The following KALRN variants were observed in gnomAD, a reference collection of about 807,000 sequenced individuals.
KALRN encodes the protein kalirin.
KALRN carries 70 observed loss-of-function variants against 353.7 expected under a neutral mutation model. The ratio of observed to expected loss-of-function variants is 0.20; its 90% CI spans 0.16 to 0.24. The LOEUF is 0.24. Among genes scored for constraint, KALRN ranks in the 10% least tolerant of loss-of-function variants. KALRN has a pLI of 1.00. For missense variants in KALRN, 2,791 were observed against 3,756.7 expected (o/e 0.74, Z 6.72); for synonymous variants, 1,391 against 1,434.8 (o/e 0.97, Z 0.69).
chr3:124,527,717 C>T (rs1168033980), intron 33 of KALRN, among the ~76,000 whole-genome samples: 4 of 152,056 alleles, frequency 2.6e-5, no homozygotes, highest in South Asian at 2.1e-4. Flanking sequence ...TCCACTGAAG[C>T]GAAGAGGGTG....
At chr3:124,143,985 A>G (rs1231627871) in intron 1 of KALRN, among the ~76,000 whole-genome samples, 1 of 152,112 alleles carries the variant, frequency 6.6e-6, no homozygotes, top group Non-Finnish European at 1.5e-5. Context: ...GGCCAGAGGG[A>G]GTGTTCTCCT....
chr3:124,233,805 G>T (rs973046327), intron 2 of KALRN, among the ~76,000 whole-genome samples: 1 of 152,062 alleles, frequency 6.6e-6, no homozygotes, highest in Non-Finnish European at 1.5e-5. Context: ...CCTACTCTGG[G>T]GTATATCCAG....
intron 5 of KALRN, among the ~76,000 whole-genome samples, chr3:124,288,814 G>C (rs1382126308): frequency 6.6e-6 from 1 of 152,180 alleles, no homozygotes; most frequent in Non-Finnish European, 1.5e-5. Context: ...GCATATTCCA[G>C]AGTTATTTGA....
chr3:124,496,232 A>G (rs1410335631), intron 32 of KALRN, 79 bp from the exon 33 acceptor site: 2 of 1,061,798 alleles, frequency 1.9e-6, no homozygotes, highest in Non-Finnish European at 2.9e-6. Context: ...TGCCCACCCA[A>G]CCGGAAATCC....
At chr3:124,418,979 G>T in intron 14 of KALRN, among the ~76,000 whole-genome samples, 1 of 151,810 alleles carries the variant, frequency 6.6e-6, no homozygotes, top group Admixed American at 6.6e-5. Context: ...AGTTGAGGCA[G>T]GAGAATCGCT....
chr3:124,039,125 CA>C (rs2039703390), intron 1 of KALRN, among the ~76,000 whole-genome samples: 1 of 152,242 alleles, frequency 6.6e-6, no homozygotes, highest in Non-Finnish European at 1.5e-5. Context: ...CTAGTGCCTT[CA>C]GGGTCAAGTG....
intron 33 of KALRN, among the ~76,000 whole-genome samples, chr3:124,522,278 T>C (rs1301482705): frequency 6.6e-6 from 1 of 151,882 alleles, no homozygotes; most frequent in South Asian, 2.1e-4. Flanking sequence ...GAGTCATCAT[T>C]ATATATATAC....
At chr3:124,656,134 G>GCC (rs1469110110) in intron 39 of KALRN, among the ~76,000 whole-genome samples, 1 of 152,048 alleles carries the variant, frequency 6.6e-6, no homozygotes, top group African/African-American at 2.4e-5. Context: ...CCACCAATGA[G>GCC]CAAGGTTGAC....
At chr3:124,604,728 C>T (rs1042948095) in intron 34 of KALRN, among the ~76,000 whole-genome samples, 12 of 151,836 alleles carry the variant, frequency 7.9e-5, no homozygotes, top group African/African-American at 2.9e-4. Context: ...ACTCTGTCAC[C>T]CAGACTGGAA....
intron 1 of KALRN, among the ~76,000 whole-genome samples, chr3:124,170,607 C>G (rs2071614626): frequency 6.6e-6 from 1 of 152,036 alleles, no homozygotes; most frequent in African/African-American, 2.4e-5. Context: ...AAGACGTTTT[C>G]CTCTTGAGTA....
chr3:124,177,641 G>A (rs567025543), intron 1 of KALRN, among the ~76,000 whole-genome samples: 1 of 152,192 alleles, frequency 6.6e-6, no homozygotes, highest in Non-Finnish European at 1.5e-5. Flanking sequence ...TCTAGTAAAA[G>A]CATCAAGAAT....
chr3:124,592,133 C>T (rs1481664633), intron 34 of KALRN, among the ~76,000 whole-genome samples: 2 of 151,880 alleles, frequency 1.3e-5, no homozygotes, highest in Non-Finnish European at 2.9e-5. Context: ...AAACCCCCGT[C>T]TCTACTAAAA....
chr3:124,231,078 G>A (rs1046873572), intron 2 of KALRN, among the ~76,000 whole-genome samples: 2 of 152,182 alleles, frequency 1.3e-5, no homozygotes, highest in African/African-American at 4.8e-5. Flanking sequence ...CTCTGCTAGC[G>A]CCCAGCCTTG....
intron 49 of KALRN, 38 bp downstream of exon 49, chr3:124,674,652 A>C: frequency 6.7e-7 from 1 of 1,499,424 alleles, no homozygotes; most frequent in Non-Finnish European, 8.9e-7. Flanking sequence ...GAGGAGTATG[A>C]GGATTAAAAA....
chr3:124,407,267 T>A (rs2091660310), intron 13 of KALRN, among the ~76,000 whole-genome samples: 1 of 152,196 alleles, frequency 6.6e-6, no homozygotes. Flanking sequence ...AATCAGCACT[T>A]AATACATAGT....
rs1280165986 is a variant in KALRN, at chr3:124,674,622, C to T, written c.7193+8C>T. The stretch of plus-strand genomic sequence containing the variant: ...TAGTGACGGGAGCATCAAGTAAGTG[C>T]CTCGTTGGCTTCCCCGGGAGAGGAG... On this transcript the variant is annotated splice_region_variant and intron_variant, in intron 49 of 59. Transcript: ENST00000682506. 6.4e-7 allele frequency: 1 copy of T among 1,569,334 alleles called. No individual in the cohort carries two copies. Among genetic ancestry groups the T allele is most frequent in the South Asian group, 1.2e-5 (1 of 84,390 alleles).
chr3:124,100,242 T>G (rs930004631), intron 1 of KALRN: 2 of 152,250 alleles, frequency 1.3e-5, no homozygotes, highest in African/African-American at 4.8e-5. Flanking sequence ...TTTGTTTTGT[T>G]TGCTGTTACG....
chr3:124,228,096 G>A (rs2078770844), intron 2 of KALRN, 32 bp downstream of exon 2: 6 of 1,554,890 alleles, frequency 3.9e-6, no homozygotes, highest in Non-Finnish European at 5.3e-6. Flanking sequence ...TTTTGTAAAG[G>A]ACCTAGAGAA....
At chr3:124,493,554 A>G (rs1185592797) in intron 32 of KALRN, among the ~76,000 whole-genome samples, 1 of 152,188 alleles carries the variant, frequency 6.6e-6, no homozygotes, top group African/African-American at 2.4e-5. Context: ...GAAAGCATAC[A>G]AAAACTTCAC....
Sources: gnomAD v4.1 joint callset for allele counts (sites outside exome capture counted in the v4.1 genomes callset) on GRCh38, gnomAD v4.1.1 for gene constraint, MANE v1.5 for transcripts, NCBI Gene and HGNC (gene_info 2026-07-23, HGNC 2026-07-21) for gene names.